The following ZDBF2 variants were observed in gnomAD, a reference collection of about 807,000 sequenced individuals.
The protein encoded by ZDBF2 is zinc finger DBF-type containing 2.
In ZDBF2, 6 loss-of-function variants were observed where a neutral mutation model predicts 9.4. That is an observed-to-expected ratio of 0.64 (90% CI 0.35 to 1.27). The LOEUF (loss-of-function observed/expected upper bound fraction) is 1.27. ZDBF2 is among the 50% of genes most tolerant of loss of function. The pLI is 0.03. For synonymous variants in ZDBF2, 905 were observed against 946.3 expected (o/e 0.96, Z 0.80); for missense variants, 2,697 against 2,766.8 (o/e 0.97, Z 0.57).
chr2:206,297,877 C>T (rs1411759867), intron 4 of ZDBF2, among the ~76,000 whole-genome samples: 1 of 152,116 alleles, frequency 6.6e-6, no homozygotes, highest in South Asian at 2.1e-4. Context: ...GTTGAGGTTT[C>T]GCCATGTTGG....
rs747013362 is a variant in ZDBF2, at chr2:206,305,801, G to T, written c.1273G>T (p.Ala425Ser). 6.2e-7 allele frequency: 1 copy of T among 1,613,512 alleles called. No homozygotes were observed. Residue 425 changes from alanine to serine, a missense_variant, in exon 5 of 5, where the codon GCC (alanine) becomes TCC (serine). Ala to Ser is a moderately conservative substitution (Grantham distance 99, BLOSUM62 1). Coordinates refer to ENST00000374423, the MANE Select transcript of ZDBF2 (RefSeq NM_020923.3). ...ACTGACTGACCAATCTAAAGTGAGT[G>T]CCAAAGAAGTAAACCTTTCCAAGGA... ...HSLTDQSKVS[A>S]KEVNLSKEVR...
intron 2 of ZDBF2, among the ~76,000 whole-genome samples, chr2:206,280,886 A>T (rs886531312): frequency 6.6e-6 from 1 of 152,236 alleles, no homozygotes; most frequent in Non-Finnish European, 1.5e-5. Flanking sequence ...AAGAATGCTT[A>T]AATTAATTGA....
Position 206,311,600 on chromosome 2 carries a change from GT to G in ZDBF2, c.*11del. ...AGGTAATGAGGTAAAATAGAAGTTG[GT>G]TTTGTGTTCAGGCTAGTTGAGGATT... is the stretch of plus-strand genomic sequence containing the variant. On this transcript the variant is annotated 3_prime_UTR_variant, in exon 5 of 5. Coordinates refer to ENST00000374423, the MANE Select transcript of ZDBF2 (RefSeq NM_020923.3). The G allele has an allele frequency of 8.1e-6, 12 of 1,477,638 alleles. No individual in the cohort carries two copies. Among genetic ancestry groups the G allele is most frequent in the Non-Finnish European group, 1.1e-5 (12 of 1,113,902 alleles). The allele number at this position is 1,477,638 out of a possible 1,614,324, so 91.5% of individuals were successfully genotyped here.
chr2:206,308,857 A>C lies in ZDBF2; in HGVS notation c.4329A>C (p.Glu1443Asp). Residue 1443 changes from glutamate (E) to aspartate (D), a missense_variant, in exon 5 of 5, where the codon GAA (glutamate) becomes GAC (aspartate). Glu to Asp is a conservative substitution (Grantham distance 45). Around this residue, in one of 3 missense-constraint regions of ZDBF2, gnomAD observed 1,783 missense variants for 1,776.5 expected, o/e 1.00. Coordinates refer to ENST00000374423, the MANE Select transcript of ZDBF2 (RefSeq NM_020923.3). ...AAAAGAAGGATCATAATGATCTAGAAAATAAGAACTGTGAAGTCTGTGGTT... is the reference window on the plus strand; with the variant it reads ...AAAAGAAGGATCATAATGATCTAGACAATAAGAACTGTGAAGTCTGTGGTT... ...NLQKKDHNDL[E>D]NKNCEVCGSE... 1 of 1,613,440 alleles carries C rather than the reference A, an allele frequency of 6.2e-7. No individual in the cohort carries two copies. Among genetic ancestry groups the C allele is most frequent in the African/African-American group, 1.3e-5 (1 of 75,028 alleles).
Position 206,308,165 on chromosome 2 carries a change from C to T in ZDBF2, c.3637C>T (p.Arg1213Trp), listed in dbSNP as rs146428765. The T allele has an allele frequency of 8.1e-4, 1,301 of 1,613,682 alleles. 7 individuals are homozygous for T. In the African/African-American group the frequency reaches 0.012, roughly 14 times the overall value. ...TGACCCTCTTCAGTCAGTGGCTGAC[C>T]GGCTGAGAGAAACCGTTAAAGAAAT... ...SDDPLQSVAD[R>W]LRETVKEISL... The change falls in exon 5 of 5, where the codon CGG becomes TGG. Residue 1213 changes from arginine (R) to tryptophan (W), a missense_variant. By Grantham distance (101) the Arg-to-Trp change is moderately radical. Around this residue, in one of 3 missense-constraint regions of ZDBF2, gnomAD observed 1,783 missense variants for 1,776.5 expected, o/e 1.00. Coordinates refer to ENST00000374423, the MANE Select transcript of ZDBF2 (RefSeq NM_020923.3).
At position 206,307,038 on chromosome 2, in the gene ZDBF2, TTCA is replaced by T; in HGVS notation, c.2512_2514del (p.His838del). ...ATAACTTTTGATTCTGATATTCCTCTTCATTCAGGAAATGATCACCCTGAAGTA... is the reference window on the plus strand; with the variant it reads ...ATAACTTTTGATTCTGATATTCCTCTTTCAGGAAATGATCACCCTGAAGTA... On this transcript the variant is annotated inframe_deletion, in exon 5 of 5. Transcript: ENST00000374423. The T allele has an allele frequency of 6.2e-7, 1 of 1,613,438 alleles. No individual in the cohort carries two copies. The highest frequency in any genetic ancestry group is 8.5e-7 in the Non-Finnish European group (1 of 1,179,734).
intron 3 of ZDBF2, among the ~76,000 whole-genome samples, chr2:206,291,607 T>G (rs866262140): frequency 1.3e-5 from 2 of 152,216 alleles, no homozygotes; most frequent in East Asian, 3.8e-4. Flanking sequence ...TCTCCAAATA[T>G]TAGGGGTTAG....
rs74269260 is a variant in ZDBF2, at chr2:206,303,300, G to T, written c.189-1417G>T. 2.6e-4 allele frequency among the ~76,000 whole-genome samples: 37 copies of T among 143,862 alleles called. No individual in the cohort carries two copies. The East Asian group carries it at 6.9e-3, about 27-fold the overall frequency. 94.4% of individuals were successfully genotyped at this position (143,862 alleles called of 152,430 possible). On this transcript the variant is annotated intron_variant, in intron 4 of 4. Transcript: ENST00000374423. ...TTTGAATTGTTATTATTTTTTATGT[G>T]TCTGCCTTCTGCAGCTACTTGAATG...
Position 206,305,167 on chromosome 2 carries a change from G to C in ZDBF2, c.639G>C (p.Leu213Phe). Reference sequence around the variant, plus strand: ...CTAGTTTACCACCAGCAGCTCATTTGGATTCAGTTAGCAAATGTGACCCAA... The same window carrying C: ...CTAGTTTACCACCAGCAGCTCATTTCGATTCAGTTAGCAAATGTGACCCAA... The part of the protein sequence containing the change: ...NTTSLPPAAH[L>F]DSVSKCDPNK... The change falls in exon 5 of 5, where the codon TTG (leucine) becomes TTC (phenylalanine). Residue 213 changes from leucine (L) to phenylalanine (F), a missense_variant. Transcript: ENST00000374423. 6.2e-7 allele frequency: 1 copy of C among 1,613,812 alleles called. No individual in the cohort carries two copies. Among genetic ancestry groups the C allele is most frequent in the East Asian group, 2.2e-5 (1 of 44,878 alleles).
intron 4 of ZDBF2, among the ~76,000 whole-genome samples, chr2:206,301,263 A>AT (rs1692485631): frequency 6.6e-6 from 1 of 152,038 alleles, no homozygotes; most frequent in South Asian, 2.1e-4. Context: ...TGTGTTACAG[A>AT]TTTTTTTCAG....
Position 206,310,521 on chromosome 2 carries a change from A to T in ZDBF2, c.5993A>T (p.Lys1998Ile). ...GTTGAATTTCCTGCATCATGTACTA[A>T]AGTTTTGAAGCCTATGCAACCCAAA... ...GTVEFPASCT[K>I]VLKPMQPKAL... The change falls in exon 5 of 5, where the codon AAA (lysine) becomes ATA (isoleucine). Residue 1998 changes from lysine (K) to isoleucine (I), a missense_variant. Lys to Ile is a moderately radical substitution (Grantham distance 102, BLOSUM62 -3). This residue lies in a region of ZDBF2 where 1,783 missense variants were observed against 1,776.5 expected (regional missense o/e 1.00). Transcript: ENST00000374423. The T allele has an allele frequency of 6.2e-7, 1 of 1,613,256 alleles. No homozygotes were observed. Among genetic ancestry groups the T allele is most frequent in the Middle Eastern group, 1.7e-4 (1 of 6,060 alleles).
At chr2:206,290,367 C>A (rs1396287535) in intron 3 of ZDBF2, among the ~76,000 whole-genome samples, 3 of 152,122 alleles carry the variant, frequency 2.0e-5, no homozygotes, top group Non-Finnish European at 2.9e-5. Context: ...ATTTAAAGAT[C>A]ACTTTGTTAG....
intron 4 of ZDBF2, among the ~76,000 whole-genome samples, chr2:206,300,106 T>C (rs557823057): frequency 6.6e-6 from 1 of 152,114 alleles, no homozygotes; most frequent in Non-Finnish European, 1.5e-5. Flanking sequence ...CGAAACTTGG[T>C]CTCAAAACAA....
chr2:206,293,761 G>T (rs901137927), intron 3 of ZDBF2, among the ~76,000 whole-genome samples: 1 of 152,204 alleles, frequency 6.6e-6, no homozygotes, highest in Non-Finnish European at 1.5e-5. Context: ...ACAATAGCAA[G>T]TGTTGATAAG....
chr2:206,313,083 C>T lies in ZDBF2; in HGVS notation c.*1490C>T, dbSNP rs1334560146. ...TTCTATCATTAATGTTAAGAGGAAACATGAATTACAACTATATTGTATGAC... is the reference window on the plus strand; with the variant it reads ...TTCTATCATTAATGTTAAGAGGAAATATGAATTACAACTATATTGTATGAC... On this transcript the variant is annotated 3_prime_UTR_variant, in exon 5 of 5. Coordinates refer to ENST00000374423, the MANE Select transcript of ZDBF2 (RefSeq NM_020923.3). 1 of 152,100 alleles carries T rather than the reference C, an allele frequency of 6.6e-6. No individual in the cohort carries two copies. The highest frequency in any genetic ancestry group is 1.5e-5 in the Non-Finnish European group (1 of 68,004). 9.4% of individuals were successfully genotyped at this position (152,100 alleles called of 1,614,324 possible). A position where few individuals can be genotyped will look rare whatever the true frequency, so the allele number is the denominator to read the frequency against.
chr2:206,281,182 G>T (rs13000757), intron 2 of ZDBF2, among the ~76,000 whole-genome samples: 58,661 of 152,008 alleles, frequency 0.39, 12,341 homozygotes, highest in Non-Finnish European at 0.49. Context: ...TATTTGTAGA[G>T]AAATCTAAAC....
In ZDBF2 at chr2:206,301,588, T is replaced by C. The variant is rs191965153; in HGVS notation, c.189-3129T>C. Among the ~76,000 whole-genome samples, 561 of 152,244 alleles carry C rather than the reference T, an allele frequency of 3.7e-3. 2 individuals carry two copies. The highest frequency in any genetic ancestry group is 6.8e-3 in the Middle Eastern group (2 of 294). On this transcript the variant is annotated intron_variant, in intron 4 of 4. Coordinates refer to ENST00000374423, the MANE Select transcript of ZDBF2 (RefSeq NM_020923.3). ...TCATTTTGAATACCATTTTGTTTCC[T>C]TGATTTAAAAAAAATCCCATGCCAA...
Position 206,310,553 on chromosome 2 carries a change from G to T in ZDBF2, c.6025G>T (p.Val2009Phe). ...VLKPMQPKAL[V>F]CVLSSLNIKL... ...GAAGCCTATGCAACCCAAAGCCTTA[G>T]TCTGTGTTCTTTCTTCTTTAAATAT... The change falls in exon 5 of 5, where the codon GTC (valine) becomes TTC (phenylalanine). Residue 2009 changes from valine (V) to phenylalanine (F), a missense_variant. Val to Phe is a conservative substitution (Grantham distance 50). Around this residue, in one of 3 missense-constraint regions of ZDBF2, gnomAD observed 1,783 missense variants for 1,776.5 expected, o/e 1.00. Coordinates refer to ENST00000374423, the MANE Select transcript of ZDBF2 (RefSeq NM_020923.3). 1 of 1,613,672 alleles carries T rather than the reference G, an allele frequency of 6.2e-7. No individual in the cohort carries two copies. Among genetic ancestry groups the T allele is most frequent in the Non-Finnish European group, 8.5e-7 (1 of 1,179,754 alleles).
chr2:206,301,330 A>G (rs1027471436), intron 4 of ZDBF2, among the ~76,000 whole-genome samples: 24 of 152,040 alleles, frequency 1.6e-4, no homozygotes, highest in African/African-American at 5.6e-4. Flanking sequence ...CAGAAATTAA[A>G]ATTTTTGATT....
Sources: allele counts gnomAD v4.1 joint callset (sites outside exome capture counted in the v4.1 genomes callset), GRCh38; gene constraint gnomAD v4.1.1; regional missense constraint gnomAD v4.1.1; transcripts MANE v1.5; gene names NCBI Gene and HGNC (gene_info 2026-07-23, HGNC 2026-07-21).